The following KAT6B variants were observed in gnomAD, a reference collection of about 807,000 sequenced individuals.
The protein encoded by KAT6B is lysine acetyltransferase 6B.
Under a neutral mutation model 187.5 loss-of-function variants are expected in KAT6B, and 10 were observed. The observed-to-expected ratio is 0.05, with a 90% CI of 0.03 to 0.09. KAT6B has a LOEUF of 0.09. KAT6B is among the 10% of genes least tolerant of loss of function. KAT6B has a pLI of 1.00. For synonymous variants in KAT6B, 861 were observed against 926.8 expected, an observed-to-expected ratio of 0.93 and a Z score of 1.29; for missense variants, 1,952 against 2,558.9, an observed-to-expected ratio of 0.76 and a Z score of 5.12.
Position 75,029,962 on chromosome 10 carries a change from G to A in KAT6B, c.5138G>A (p.Ser1713Asn), listed in dbSNP as rs1211985137. 6 of 1,614,086 alleles carry A rather than the reference G, an allele frequency of 3.7e-6. No homozygotes were observed. Among genetic ancestry groups the A allele is most frequent in the Non-Finnish European group, 5.1e-6 (6 of 1,180,050 alleles). The change falls in exon 18 of 18, where the codon AGT becomes AAT. Residue 1713 changes from serine (S) to asparagine (N), a missense_variant. This residue lies in a region of KAT6B where 87 missense variants were observed against 167.5 expected (regional missense o/e 0.52). Transcript: ENST00000287239. The surrounding 1 kb of genome is among the most constrained non-coding windows in gnomAD (Gnocchi z 6.2). ...SCSYSNLTSSSLTQSSCAVTQ... is the reference protein window; with the variant it reads ...SCSYSNLTSSNLTQSSCAVTQ... ...TCCTATAGCAACCTCACCTCCAGCA[G>A]TCTGACACAGAGCAGCTGTGCTGTC... is the stretch of plus-strand genomic sequence containing the variant.
At chr10:74,973,955 C>T (rs1842003473) in intron 7 of KAT6B, among the ~76,000 whole-genome samples, 1 of 152,174 alleles carries the variant, frequency 6.6e-6, no homozygotes, top group South Asian at 2.1e-4. Context: ...CCAATCCTAA[C>T]TTTTTGTTTG....
At chr10:74,981,953 T>G (rs1364005452) in intron 11 of KAT6B, 25 bp downstream of exon 11, 1 of 1,610,638 alleles carries the variant, frequency 6.2e-7, no homozygotes, top group African/African-American at 1.3e-5. Flanking sequence ...ATAAAAAAAT[T>G]CAGCTTTTTG....
At position 74,969,468 on chromosome 10, in the gene KAT6B, A is replaced by G. The variant is rs528596690; in HGVS notation, c.731-192A>G. Among the ~76,000 whole-genome samples, 43 of 152,342 alleles carry G rather than the reference A, an allele frequency of 2.8e-4. 1 individual carries two copies. The South Asian group carries it at 8.7e-3, about 31-fold the overall frequency. On this transcript the variant is annotated intron_variant, in intron 4 of 17. Coordinates refer to ENST00000287239, the MANE Select transcript of KAT6B (RefSeq NM_012330.4). ...CATTCGTACAGTCATTTTGTTACATACAGGGAAAGAAGGCAAGGGGAAAAG... is the reference window on the plus strand; with the variant it reads ...CATTCGTACAGTCATTTTGTTACATGCAGGGAAAGAAGGCAAGGGGAAAAG...
chr10:75,008,321 C>G (rs1344315355), intron 13 of KAT6B, among the ~76,000 whole-genome samples: 1 of 152,090 alleles, frequency 6.6e-6, no homozygotes, highest in East Asian at 1.9e-4. Flanking sequence ...TTTCCTCCTC[C>G]TAGGTTGCTG....
At chr10:74,996,946 A>T (rs1843473729) in intron 13 of KAT6B, among the ~76,000 whole-genome samples, 1 of 152,136 alleles carries the variant, frequency 6.6e-6, no homozygotes, top group East Asian at 1.9e-4. Context: ...AAGCAAACAT[A>T]ATGAGAAAGA....
At chr10:74,912,048 T>C (rs1052623008) in intron 3 of KAT6B, among the ~76,000 whole-genome samples, 2 of 152,260 alleles carry the variant, frequency 1.3e-5, no homozygotes, top group South Asian at 2.1e-4. Flanking sequence ...TCAAGGGATC[T>C]TCCCACCTTG....
chr10:74,966,665 T>C (rs1841494141), intron 4 of KAT6B, among the ~76,000 whole-genome samples: 1 of 152,136 alleles, frequency 6.6e-6, no homozygotes. Flanking sequence ...AATTGCAAAA[T>C]ACAATAGTAA....
chr10:74,883,269 C>G (rs11813058), intron 3 of KAT6B, among the ~76,000 whole-genome samples: 1 of 152,192 alleles, frequency 6.6e-6, no homozygotes, highest in South Asian at 2.1e-4. Context: ...TGAGGATTAC[C>G]TGTCTTATTA....
chr10:74,830,769 T>TATATGTATATATATATATA (rs58702000), intron 1 of KAT6B, among the ~76,000 whole-genome samples: 4 of 7,734 alleles, frequency 5.2e-4, no homozygotes, highest in African/African-American at 1.1e-3. Context: ...TATATATATA[T>TATATGTATATATATATATA]TTTTTTTTTT....
chr10:75,000,051 A>G (rs550795175), intron 13 of KAT6B, among the ~76,000 whole-genome samples: 1 of 152,180 alleles, frequency 6.6e-6, no homozygotes, highest in South Asian at 2.1e-4. Flanking sequence ...ATGTGCCTGT[A>G]GTCCCAGCTA....
intron 3 of KAT6B, among the ~76,000 whole-genome samples, chr10:74,927,162 G>T (rs1429192467): frequency 6.6e-6 from 1 of 152,200 alleles, no homozygotes; most frequent in African/African-American, 2.4e-5. Context: ...TTCTCTATCA[G>T]TTAGTGTGTT....
rs1166202775 is a variant in KAT6B at position 74,876,868 on chromosome 10, G to C, written c.621+33390G>C. On this transcript the variant is annotated intron_variant, in intron 3 of 17. Coordinates refer to ENST00000287239, the MANE Select transcript of KAT6B (RefSeq NM_012330.4). The stretch of plus-strand genomic sequence containing the variant: ...ACTGAGGCTGCAGTGAGCTCAGATC[G>C]CACCATTGCACTCCAGCCTGAGTGA... Among the ~76,000 whole-genome samples the C allele has an allele frequency of 3.3e-5, 5 of 151,842 alleles. No homozygotes were observed. The East Asian group carries it at 9.7e-4, about 29-fold the overall frequency.
intron 13 of KAT6B, among the ~76,000 whole-genome samples, chr10:74,989,754 A>T (rs1353670442): frequency 1.3e-5 from 2 of 152,142 alleles, no homozygotes; most frequent in South Asian, 2.1e-4. Context: ...TAATGTTTTT[A>T]AAAATGGTAG....
intron 4 of KAT6B, among the ~76,000 whole-genome samples, chr10:74,964,924 A>G (rs941948218): frequency 1.3e-5 from 2 of 152,128 alleles, no homozygotes; most frequent in Non-Finnish European, 2.9e-5. Flanking sequence ...ATGCATCCCC[A>G]CCAGCCAGCC....
In KAT6B at chr10:75,020,741, C is replaced by T. The variant is rs762613635; in HGVS notation, c.2789C>T (p.Ala930Val). The change falls in exon 14 of 18, where the codon GCG becomes GTG. Residue 930 changes from alanine to valine, a missense_variant. Ala to Val is a moderately conservative substitution (Grantham distance 64). Around this residue, in one of 9 missense-constraint regions of KAT6B, gnomAD observed 758 missense variants for 891.4 expected, o/e 0.85. Transcript: ENST00000287239. ...ATCAGCATCAAGGCAATTAGCAGAGCGACGGGCATGTGCCCACATGACATT... is the reference window on the plus strand; with the variant it reads ...ATCAGCATCAAGGCAATTAGCAGAGTGACGGGCATGTGCCCACATGACATT... ...RHISIKAISRATGMCPHDIAT... is the reference protein window; with the variant it reads ...RHISIKAISRVTGMCPHDIAT... The T allele has an allele frequency of 7.4e-6, 12 of 1,614,072 alleles. No homozygotes were observed. Among genetic ancestry groups the T allele is most frequent in the South Asian group, 1.1e-5 (1 of 91,094 alleles).
intron 3 of KAT6B, among the ~76,000 whole-genome samples, chr10:74,932,927 T>C: frequency 6.6e-6 from 1 of 152,214 alleles, no homozygotes; most frequent in East Asian, 1.9e-4. Context: ...GCTCTTCTCC[T>C]TAAAGTGTCT....
At chr10:74,828,908 A>G (rs1440033714) in intron 1 of KAT6B, among the ~76,000 whole-genome samples, 1 of 152,048 alleles carries the variant, frequency 6.6e-6, no homozygotes, top group Non-Finnish European at 1.5e-5. Flanking sequence ...GAATTTGGAC[A>G]GTATTTTATG....
At chr10:74,867,862 T>C (rs1236832312) in intron 3 of KAT6B, among the ~76,000 whole-genome samples, 1 of 152,238 alleles carries the variant, frequency 6.6e-6, no homozygotes, top group African/African-American at 2.4e-5. Context: ...CAAAGCAATA[T>C]TGAAAGCCTT....
intron 1 of KAT6B, among the ~76,000 whole-genome samples, chr10:74,834,807 A>G (rs1253436362): frequency 6.6e-6 from 1 of 152,220 alleles, no homozygotes; most frequent in Non-Finnish European, 1.5e-5. Flanking sequence ...GGCATGAGCC[A>G]TTGTGCCTGG....
Sources: gnomAD v4.1 joint callset for allele counts (sites outside exome capture counted in the v4.1 genomes callset) on GRCh38, gnomAD v4.1.1 for gene constraint, gnomAD v4.1.1 regional missense constraint, Gnocchi (gnomAD v3.1) non-coding constraint, MANE v1.5 for transcripts, NCBI Gene and HGNC (gene_info 2026-07-23, HGNC 2026-07-21) for gene names.